Variants in CLEC4D observed in about 807,000 individuals in gnomAD.
The protein encoded by CLEC4D is C-type (calcium dependent, carbohydrate-recognition domain) lectin, superfamily member 8.
CLEC4D carries 21 observed loss-of-function variants against 21.1 expected under a neutral mutation model. The ratio of observed to expected loss-of-function variants is 1.00; its 90% CI spans 0.71 to 1.43. The LOEUF is 1.43. Ranked by LOEUF, CLEC4D falls within the 40% of genes most tolerant of loss-of-function variation. The pLI is 0.00. For missense variants in CLEC4D, 289 were observed against 260.7 expected (o/e 1.11, Z -0.75); for synonymous variants, 85 against 83.1 (o/e 1.02, Z -0.12).
chr12:8,518,220 C>A lies in CLEC4D; in HGVS notation c.178C>A (p.His60Asn). The A allele has an allele frequency of 1.4e-6, 2 of 1,448,996 alleles. No homozygotes were observed. The highest frequency in any genetic ancestry group is 1.9e-6 in the Non-Finnish European group (2 of 1,029,564). 89.8% of individuals were successfully genotyped at this position (1,448,996 alleles called of 1,614,324 possible). The change falls in exon 3 of 6, where the codon CAC becomes AAC. Residue 60 changes from histidine to asparagine, a missense_variant. Transcript: ENST00000299665. ...KRGTGVHKLEHHAKLKCIKEK... is the reference protein window; with the variant it reads ...KRGTGVHKLENHAKLKCIKEK... ...AGGCACAGGAGTGCACAAGTTAGAG[C>A]ACCATGCAAAGCTCAAATGCATCAA...
chr12:8,517,932 C>T (rs911229537), intron 2 of CLEC4D, among the ~76,000 whole-genome samples: 2 of 151,650 alleles, frequency 1.3e-5, no homozygotes, highest in Non-Finnish European at 2.9e-5. Context: ...GGTGACAGAG[C>T]GAGACTCCGT....
At chr12:8,515,699 T>A (rs1940370218) in intron 2 of CLEC4D, among the ~76,000 whole-genome samples, 1 of 151,922 alleles carries the variant, frequency 6.6e-6, no homozygotes, top group South Asian at 2.1e-4. Context: ...GGAAGAATTG[T>A]TCTCTCTCTC....
At position 8,513,754 on chromosome 12, in the gene CLEC4D, A is replaced by G. The variant is rs899587712; in HGVS notation, c.22A>G (p.Ser8Gly). ...GACAATGGGGCTAGAAAAACCTCAA[A>G]GTAAACGTGAGTACTTTCTCTCCTT... Reference protein sequence around the residue: MGLEKPQSKLEGGMHPQL... With the variant: MGLEKPQGKLEGGMHPQL... The change falls in exon 1 of 6, where the codon AGT becomes GGT. Residue 8 changes from serine to glycine, a missense_variant. Coordinates refer to ENST00000299665, the MANE Select transcript of CLEC4D (RefSeq NM_080387.5). 1 of 1,092,170 alleles carries G rather than the reference A, an allele frequency of 9.2e-7. No individual in the cohort carries two copies. The highest frequency in any genetic ancestry group is 1.4e-6 in the Non-Finnish European group (1 of 705,628). The allele number at this position is 1,092,170 out of a possible 1,614,324, so 67.7% of individuals were successfully genotyped here. A position where few individuals can be genotyped will look rare whatever the true frequency, so the allele number is the denominator to read the frequency against.
At position 8,520,433 on chromosome 12, in the gene CLEC4D, T is replaced by A. The variant is rs183953763; in HGVS notation, c.500+92T>A. 5 of 1,510,328 alleles carry A rather than the reference T, an allele frequency of 3.3e-6. No individual in the cohort carries two copies. In the Admixed American group the frequency reaches 1.1e-4, roughly 32 times the overall value. The allele number at this position is 1,510,328 out of a possible 1,614,324, so 93.6% of individuals were successfully genotyped here. On this transcript the variant is annotated intron_variant, in intron 5 of 5. Transcript: ENST00000299665. ...CATTTTGAAGTGGAGTACATTGATA[T>A]AAAAATGTTAAGAGAGACCACTGTA...
At chr12:8,529,193 T>C in the CLEC4D span, among the ~76,000 whole-genome samples, 1 of 152,194 alleles carries the variant, frequency 6.6e-6, no homozygotes, top group Non-Finnish European at 1.5e-5. Flanking sequence ...AAGGAAATTT[T>C]CCAAGGAAGA....
At chr12:8,519,904 A>G (rs1468597353) in intron 4 of CLEC4D, among the ~76,000 whole-genome samples, 1 of 152,234 alleles carries the variant, frequency 6.6e-6, no homozygotes, top group Non-Finnish European at 1.5e-5. Flanking sequence ...GCACGCAATT[A>G]AAGAAGATAT....
At chr12:8,520,473 C>G in intron 5 of CLEC4D, 132 bp downstream of exon 5, 1 of 1,366,066 alleles carries the variant, frequency 7.3e-7, no homozygotes. Flanking sequence ...GAGTAATCTC[C>G]ATATGCTATG....
intron 2 of CLEC4D, among the ~76,000 whole-genome samples, chr12:8,516,474 A>C (rs1221424199): frequency 6.6e-6 from 1 of 152,268 alleles, no homozygotes; most frequent in Non-Finnish European, 1.5e-5. Context: ...GAGAAAAATG[A>C]AATGTCTAAT....
At chr12:8,525,145 C>T (rs957623637), downstream of CLEC4D, among the ~76,000 whole-genome samples, 1 of 152,060 alleles carries the variant, frequency 6.6e-6, no homozygotes, top group African/African-American at 2.4e-5. Flanking sequence ...AGAATAAGTG[C>T]CATGTGACAC....
At chr12:8,518,130 A>G (rs1273799359) in intron 2 of CLEC4D, 34 bp from the exon 3 acceptor site, 5 of 851,440 alleles carry the variant, frequency 5.9e-6, no homozygotes, top group African/African-American at 1.7e-5. Context: ...GGTTATATAG[A>G]AAAAGAAACC....
At chr12:8,530,967 A>G in the CLEC4D span, among the ~76,000 whole-genome samples, 2 of 152,164 alleles carry the variant, frequency 1.3e-5, no homozygotes, top group African/African-American at 2.4e-5. Context: ...CTACCTCTCC[A>G]TCCTGTGCTG....
intron 2 of CLEC4D, among the ~76,000 whole-genome samples, chr12:8,516,709 T>C (rs773701473): frequency 6.6e-6 from 1 of 152,340 alleles, no homozygotes; most frequent in Admixed American, 6.5e-5. Flanking sequence ...TAGTTTACAA[T>C]ATTCGTACGC....
intron 2 of CLEC4D, among the ~76,000 whole-genome samples, chr12:8,516,691 C>T (rs1004658461): frequency 1.4e-4 from 22 of 152,176 alleles, no homozygotes; most frequent in Admixed American, 1.4e-3. Context: ...AAAAGTTTAC[C>T]GCTATCATAG....
intron 3 of CLEC4D, 148 bp downstream of exon 3, chr12:8,518,422 T>C (rs1940413172): frequency 1.8e-6 from 1 of 552,952 alleles, no homozygotes; most frequent in Non-Finnish European, 3.3e-6. Flanking sequence ...TACCTTAAGA[T>C]AGAATTATTT....
In CLEC4D at chr12:8,519,060, G is replaced by A. The variant is rs1443353667; in HGVS notation, c.284G>A (p.Cys95Tyr). The A allele has an allele frequency of 1.2e-6, 2 of 1,614,152 alleles. No homozygotes were observed. The highest frequency in any genetic ancestry group is 1.7e-6 in the Non-Finnish European group (2 of 1,180,028). ...PIDWRAFQSN[C>Y]YFPLTDNKTW... Reference sequence around the variant, plus strand: ...GACTGGAGAGCCTTCCAGTCCAACTGCTATTTTCCTCTTACTGACAACAAG... The same window carrying A: ...GACTGGAGAGCCTTCCAGTCCAACTACTATTTTCCTCTTACTGACAACAAG... Residue 95 changes from cysteine to tyrosine, a missense_variant, in exon 4 of 6, where the codon TGC (cysteine) becomes TAC (tyrosine). Transcript: ENST00000299665.
downstream of CLEC4D, among the ~76,000 whole-genome samples, chr12:8,524,001 T>C (rs778351148): frequency 3.3e-5 from 5 of 152,358 alleles, 1 homozygote; most frequent in African/African-American, 1.2e-4. Context: ...TGGATTATGT[T>C]TATTGATTTG....
the CLEC4D span, among the ~76,000 whole-genome samples, chr12:8,530,861 C>A: frequency 6.6e-6 from 1 of 152,162 alleles, no homozygotes; most frequent in African/African-American, 2.4e-5. Context: ...AATAATATTA[C>A]ACTTACAATG....
downstream of CLEC4D, among the ~76,000 whole-genome samples, chr12:8,522,685 C>T (rs142832378): frequency 2.0e-4 from 31 of 152,026 alleles, no homozygotes; most frequent in Non-Finnish European, 3.7e-4. Flanking sequence ...TAGTGGGCTT[C>T]GTATAGTTAA....
At position 8,515,281 on chromosome 12, in the gene CLEC4D, T is replaced by C; in HGVS notation, c.74T>C (p.Val25Ala). ...HPQLIPSVIA[V>A]VFILLLSVCF... ...CAGCTGATACCTTCGGTTATTGCTG[T>C]AGTTTTCATCTTACTTCTCAGTGTC... The change falls in exon 2 of 6, where the codon GTA (valine) becomes GCA (alanine). Residue 25 changes from valine to alanine, a missense_variant. Coordinates refer to ENST00000299665, the MANE Select transcript of CLEC4D (RefSeq NM_080387.5). 1 of 1,543,686 alleles carries C rather than the reference T, an allele frequency of 6.5e-7. No homozygotes were observed. The highest frequency in any genetic ancestry group is 1.1e-5 in the South Asian group (1 of 89,546).
Sources: gnomAD v4.1 joint callset for allele counts (sites outside exome capture counted in the v4.1 genomes callset) on GRCh38, gnomAD v4.1.1 for gene constraint, MANE v1.5 for transcripts, NCBI Gene and HGNC (gene_info 2026-07-23, HGNC 2026-07-21) for gene names.